The following BLTP3B variants were observed in gnomAD, a reference collection of about 807,000 sequenced individuals.
BLTP3B encodes the protein bridge-like lipid transfer protein family member 3B.
At chr12:100,077,358 T>C in the BLTP3B span, among the ~76,000 whole-genome samples, 1 of 152,244 alleles carries the variant, frequency 6.6e-6, no homozygotes, top group African/African-American at 2.4e-5. Context: ...ACCATCTAAG[T>C]ACAGTTAATG....
the BLTP3B span, among the ~76,000 whole-genome samples, chr12:100,137,805 T>C: frequency 1.3e-5 from 2 of 152,196 alleles, no homozygotes; most frequent in Non-Finnish European, 2.9e-5. Context: ...AATGAGGCCC[T>C]TGGAAATCTA....
chr12:100,082,938 G>T, the BLTP3B span: 2 of 981,110 alleles, frequency 2.0e-6, no homozygotes, highest in Non-Finnish European at 3.1e-6. Flanking sequence ...AAATAAAATG[G>T]TAGCATTTGT....
the BLTP3B span, among the ~76,000 whole-genome samples, chr12:100,112,908 T>C: frequency 6.1e-4 from 91 of 149,756 alleles, no homozygotes; most frequent in African/African-American, 2.2e-3. Flanking sequence ...CAGGAGCTCA[T>C]GCCTGTAATC....
At chr12:100,077,857 T>C in the BLTP3B span, among the ~76,000 whole-genome samples, 1 of 152,290 alleles carries the variant, frequency 6.6e-6, no homozygotes, top group East Asian at 1.9e-4. Flanking sequence ...TTAGTATAAA[T>C]AGGACAGAGT....
chr12:100,083,330 C>T, the BLTP3B span, among the ~76,000 whole-genome samples: 2 of 152,120 alleles, frequency 1.3e-5, no homozygotes, highest in South Asian at 2.1e-4. Context: ...TAAGAAGAAT[C>T]ACACATGTCA....
At chr12:100,059,667 A>C in the BLTP3B span, 3 of 1,159,878 alleles carry the variant, frequency 2.6e-6, no homozygotes, top group Non-Finnish European at 3.5e-6. Context: ...TAAGACGTAA[A>C]ACACTAACTC....
chr12:100,047,642 C>T, the BLTP3B span: 1 of 1,581,960 alleles, frequency 6.3e-7, no homozygotes, highest in South Asian at 1.1e-5. Flanking sequence ...TATCATCCTA[C>T]AGGAAAGAAA....
At chr12:100,141,890 G>C in the BLTP3B span, among the ~76,000 whole-genome samples, 1 of 151,402 alleles carries the variant, frequency 6.6e-6, no homozygotes, top group East Asian at 1.9e-4. Flanking sequence ...TTAACTCCCT[G>C]AATTTTAGAG....
the BLTP3B span, among the ~76,000 whole-genome samples, chr12:100,098,753 C>T: frequency 6.6e-6 from 1 of 150,656 alleles, no homozygotes; most frequent in Non-Finnish European, 1.5e-5. Context: ...AAAAAAAACA[C>T]AAAAAATTAG....
At chr12:100,040,207 G>A in the BLTP3B span, among the ~76,000 whole-genome samples, 898 of 152,154 alleles carry the variant, frequency 5.9e-3, 9 homozygotes, top group African/African-American at 0.02. Flanking sequence ...ACACTATAAA[G>A]GAATACTATA....
chr12:100,118,049 G>C, the BLTP3B span, among the ~76,000 whole-genome samples: 1 of 151,854 alleles, frequency 6.6e-6, no homozygotes, highest in Admixed American at 6.6e-5. Flanking sequence ...TCTTGACACA[G>C]TTGAAATTGG....
the BLTP3B span, among the ~76,000 whole-genome samples, chr12:100,104,977 G>A: frequency 2.7e-5 from 4 of 149,524 alleles, no homozygotes; most frequent in East Asian, 7.9e-4. Context: ...AAACACTGTG[G>A]AAAATCATAG....
At chr12:100,113,328 A>G in the BLTP3B span, among the ~76,000 whole-genome samples, 24 of 151,676 alleles carry the variant, frequency 1.6e-4, no homozygotes, top group African/African-American at 5.8e-4. Flanking sequence ...ATACAGAAAA[A>G]TTAGCTGGGT....
At chr12:100,037,834 T>C in the BLTP3B span, 2 of 1,289,254 alleles carry the variant, frequency 1.6e-6, no homozygotes, top group East Asian at 2.6e-5. Context: ...TATCCAAAGG[T>C]ATGACACTTG....
chr12:100,075,797 C>T, the BLTP3B span, among the ~76,000 whole-genome samples: 3 of 151,288 alleles, frequency 2.0e-5, no homozygotes, highest in Non-Finnish European at 4.4e-5. Context: ...AGTGAGATAC[C>T]ATCTCAGATA....
chr12:100,117,071 TTAAA>T, the BLTP3B span, among the ~76,000 whole-genome samples: 1 of 152,140 alleles, frequency 6.6e-6, no homozygotes, highest in Non-Finnish European at 1.5e-5. Flanking sequence ...AAACATATGA[TTAAA>T]TAAATAAATA....
At chr12:100,127,391 C>T in the BLTP3B span, among the ~76,000 whole-genome samples, 1 of 152,224 alleles carries the variant, frequency 6.6e-6, no homozygotes, top group South Asian at 2.1e-4. Flanking sequence ...TATACAATTG[C>T]TTTAGCATAT....
chr12:100,079,201 G>A, the BLTP3B span, among the ~76,000 whole-genome samples: 1 of 152,232 alleles, frequency 6.6e-6, no homozygotes, highest in African/African-American at 2.4e-5. Context: ...GAATGTGGAA[G>A]TGACTTTGGA....
the BLTP3B span, among the ~76,000 whole-genome samples, chr12:100,071,266 G>A: frequency 1.3e-5 from 2 of 152,132 alleles, no homozygotes; most frequent in African/African-American, 4.8e-5. Context: ...GGAGGCTGAG[G>A]TAGGCAGACC....
Sources: allele counts gnomAD v4.1 joint callset (sites outside exome capture counted in the v4.1 genomes callset), GRCh38; gene constraint gnomAD v4.1.1; transcripts MANE v1.5; gene names NCBI Gene and HGNC (gene_info 2026-07-23, HGNC 2026-07-21).